SLC41A1: variants seen among roughly 807,000 people sequenced by gnomAD.
SLC41A1 encodes solute carrier family 41 (magnesium transporter), member 1.
SLC41A1 carries 20 observed loss-of-function variants against 47.3 expected under a neutral mutation model. The observed-to-expected ratio is 0.42, with a 90% CI of 0.30 to 0.61. The LOEUF (loss-of-function observed/expected upper bound fraction) is 0.61. Among genes scored for constraint, SLC41A1 ranks in the 20% least tolerant of loss-of-function variants. The probability of loss-of-function intolerance (pLI) is 0.17; values close to 1 mark genes in which losing one functional copy is unlikely to be tolerated. For missense variants in SLC41A1, 504 were observed against 674.1 expected, an observed-to-expected ratio of 0.75 and a Z score of 2.79; for synonymous variants, 282 against 272.7, an observed-to-expected ratio of 1.03 and a Z score of -0.34.
At position 205,797,909 on chromosome 1, in the gene SLC41A1, G is replaced by C; in HGVS notation, c.987C>G (p.Ile329Met). 2 of 1,614,140 alleles carry C rather than the reference G, an allele frequency of 1.2e-6. No homozygotes were observed. Among genetic ancestry groups the C allele is most frequent in the Non-Finnish European group, 1.7e-6 (2 of 1,180,036 alleles). The change falls in exon 7 of 11, where the codon ATC (isoleucine) becomes ATG (methionine). Residue 329 changes from isoleucine to methionine, a missense_variant. Transcript: ENST00000367137. ...TACTCAGGGCCCCAGCCTACCTGCT[G>C]ATGGCCATGGCAATGATAACAGGCT... ...GWEPVIIAMA[I>M]SSVGGLILDK...
intron 2 of SLC41A1, among the ~76,000 whole-genome samples, chr1:205,806,896 C>T (rs955444491): frequency 1.3e-5 from 2 of 151,736 alleles, no homozygotes; most frequent in Admixed American, 6.6e-5. Flanking sequence ...TTTTGCATCT[C>T]GTTGGTGAAA....
intron 10 of SLC41A1, among the ~76,000 whole-genome samples, chr1:205,792,807 A>G (rs1261687628): frequency 6.6e-6 from 1 of 152,166 alleles, no homozygotes; most frequent in Non-Finnish European, 1.5e-5. Flanking sequence ...CCTTGACTAT[A>G]CTTTGTAAAT....
At chr1:205,797,362 C>A (rs1165739333) in intron 7 of SLC41A1, among the ~76,000 whole-genome samples, 1 of 152,220 alleles carries the variant, frequency 6.6e-6, no homozygotes, top group African/African-American at 2.4e-5. Context: ...CTGGGCTCCT[C>A]CACAGGGAAC....
rs576280132 is a variant in SLC41A1, at chr1:205,790,212, C to T, written c.*1321G>A. ...TTGAAGTAGATGCAAATACTTACAA[C>T]GAGGAAACTTTCTCTGCCAGATTCA... On this transcript the variant is annotated 3_prime_UTR_variant, in exon 11 of 11. Transcript: ENST00000367137. 3.3e-5 allele frequency: 5 copies of T among 152,306 alleles called. No homozygotes were observed. Among genetic ancestry groups the T allele is most frequent in the African/African-American group, 1.2e-4 (5 of 41,542 alleles). The allele number at this position is 152,306 out of a possible 1,614,324, so 9.4% of individuals were successfully genotyped here. A position where few individuals can be genotyped will look rare whatever the true frequency, so the allele number is the denominator to read the frequency against.
chr1:205,791,915 A>T lies in SLC41A1; in HGVS notation c.1357-197T>A, dbSNP rs1375021215. On this transcript the variant is annotated intron_variant, in intron 10 of 10. Coordinates refer to ENST00000367137, the MANE Select transcript of SLC41A1 (RefSeq NM_173854.6). The surrounding 1 kb of genome is among the most constrained non-coding windows in gnomAD (Gnocchi z 4.0). Reference sequence around the variant, plus strand: ...TTACCACTTTGAGCAGACAACAGGCACAATAAGAGCTCTTTAGAAAGGAAG... The same window carrying T: ...TTACCACTTTGAGCAGACAACAGGCTCAATAAGAGCTCTTTAGAAAGGAAG... Among the ~76,000 whole-genome samples the T allele has an allele frequency of 6.6e-6, 1 of 152,232 alleles. No homozygotes were observed. Among genetic ancestry groups the T allele is most frequent in the Non-Finnish European group, 1.5e-5 (1 of 68,036 alleles).
In SLC41A1 at chr1:205,813,117, C is replaced by T. The variant is rs1165814404; in HGVS notation, c.-956G>A. 1 of 985,512 alleles carries T rather than the reference C, an allele frequency of 1.0e-6. No homozygotes were observed. The highest frequency in any genetic ancestry group is 4.7e-5 in the South Asian group (1 of 21,284). 61.0% of individuals were successfully genotyped at this position (985,512 alleles called of 1,614,324 possible). A position where few individuals can be genotyped will look rare whatever the true frequency, so the allele number is the denominator to read the frequency against. On this transcript the variant is annotated 5_prime_UTR_variant, in exon 1 of 11. Coordinates refer to ENST00000367137, the MANE Select transcript of SLC41A1 (RefSeq NM_173854.6). ...GGACGGGGGACCGGGGAGCCGAGCT[C>T]ACGCGCCCCCAATCGCTTCTTGCCC...
intron 1 of SLC41A1, 163 bp downstream of exon 1, chr1:205,812,645 G>A (rs1656184803): frequency 4.7e-6 from 3 of 643,004 alleles, no homozygotes; most frequent in Admixed American, 6.3e-5. Flanking sequence ...CCCAGGCGGG[G>A]ACAAAAAAGA....
At position 205,798,657 on chromosome 1, in the gene SLC41A1, T is replaced by C; in HGVS notation, c.844+12A>G. On this transcript the variant is annotated intron_variant, in intron 6 of 10. Coordinates refer to ENST00000367137, the MANE Select transcript of SLC41A1 (RefSeq NM_173854.6). ...CCCAGGACTCCAAGAAGCCACACTC[T>C]TGGTGGCTCACTCAGTTCCAGGTAG... 1 of 1,614,202 alleles carries C rather than the reference T, an allele frequency of 6.2e-7. No individual in the cohort carries two copies. The highest frequency in any genetic ancestry group is 1.3e-5 in the African/African-American group (1 of 75,044).
chr1:205,811,128 C>T (rs1656144257), intron 1 of SLC41A1, 41 bp from the exon 2 acceptor site: 1 of 153,912 alleles, frequency 6.5e-6, no homozygotes, highest in South Asian at 2.0e-4. Flanking sequence ...GAACATTACA[C>T]TATAGCAAAG....
At chr1:205,808,749 T>C (rs1656074136) in intron 2 of SLC41A1, among the ~76,000 whole-genome samples, 1 of 152,316 alleles carries the variant, frequency 6.6e-6, no homozygotes, top group South Asian at 2.1e-4. Flanking sequence ...ATAACAGTTT[T>C]GGGGAAAGGG....
chr1:205,794,851 T>C lies in SLC41A1; in HGVS notation c.1356+19A>G. 6.2e-7 allele frequency: 1 copy of C among 1,613,462 alleles called. No individual in the cohort carries two copies. The highest frequency in any genetic ancestry group is 8.5e-7 in the Non-Finnish European group (1 of 1,179,902). Reference sequence around the variant, plus strand: ...GCATCCTGGCTCCTTCCCATGCCCCTGCTCCTGCCACTTTGTACCTGGAGC... The same window carrying C: ...GCATCCTGGCTCCTTCCCATGCCCCCGCTCCTGCCACTTTGTACCTGGAGC... On this transcript the variant is annotated intron_variant, in intron 10 of 10. Transcript: ENST00000367137.
In SLC41A1 at chr1:205,795,393, C is replaced by A. The variant is rs1296916118; in HGVS notation, c.1158G>T (p.Glu386Asp). 6.2e-7 allele frequency: 1 copy of A among 1,614,098 alleles called. No individual in the cohort carries two copies. The highest frequency in any genetic ancestry group is 1.3e-5 in the African/African-American group (1 of 74,922). The stretch of plus-strand genomic sequence containing the variant: ...GACTGGGACAGCGGCGAGGAGCTTG[C>A]TCAGAGTTCTCTCCGGGCATTCCAT... ...HMNGMPGENS[E>D]QAPRRCPSPC... The change falls in exon 9 of 11, where the codon GAG (glutamate) becomes GAT (aspartate). Residue 386 changes from glutamate to aspartate, a missense_variant. Coordinates refer to ENST00000367137, the MANE Select transcript of SLC41A1 (RefSeq NM_173854.6).
At position 205,795,563 on chromosome 1, in the gene SLC41A1, T is replaced by A. The variant is rs1284170423; in HGVS notation, c.1073-85A>T. The A allele has an allele frequency of 5.0e-5, 77 of 1,525,984 alleles. No homozygotes were observed. In the East Asian group the frequency reaches 1.8e-3, roughly 36 times the overall value. 94.5% of individuals were successfully genotyped at this position (1,525,984 alleles called of 1,614,324 possible). On this transcript the variant is annotated intron_variant, in intron 8 of 10. Transcript: ENST00000367137. ...AATGATCTTCTCACTCTTTGTCTTC[T>A]ATCTATAGAGGCACTGTCCTCTGTC...
At position 205,790,649 on chromosome 1, in the gene SLC41A1, A is replaced by C. The variant is rs1221115975; in HGVS notation, c.*884T>G. On this transcript the variant is annotated 3_prime_UTR_variant, in exon 11 of 11. Transcript: ENST00000367137. ...CCCATGACCTGACCCTAATCTCAAA[A>C]CCCAACCTGGCAAGCTCTGGGGAAG... 6.6e-6 allele frequency: 1 copy of C among 152,138 alleles called. No individual in the cohort carries two copies. Among genetic ancestry groups the C allele is most frequent in the Non-Finnish European group, 1.5e-5 (1 of 68,042 alleles). 9.4% of individuals were successfully genotyped at this position (152,138 alleles called of 1,614,324 possible).
In SLC41A1 at chr1:205,798,711, C is replaced by T. The variant is rs749723115; in HGVS notation, c.802G>A (p.Ala268Thr). 2 of 1,614,048 alleles carry T rather than the reference C, an allele frequency of 1.2e-6. No individual in the cohort carries two copies. The highest frequency in any genetic ancestry group is 2.7e-5 in the African/African-American group (2 of 74,920). Residue 268 changes from alanine (A) to threonine (T), a missense_variant, in exon 6 of 11, where the codon GCG becomes ACG. Physicochemically the swap from Ala to Thr is moderately conservative, Grantham distance 58 (BLOSUM62 0). Coordinates refer to ENST00000367137, the MANE Select transcript of SLC41A1 (RefSeq NM_173854.6). ...AASLGDLITL[A>T]LLSGISWGLY... is the part of the protein sequence containing the mutation. ...CCCCAGCTGATGCCTGAGAGCAGCG[C>T]CAAGGTGATGAGGTCGCCCAGGCTG... is the stretch of plus-strand genomic sequence containing the variant.
chr1:205,791,391 C>A lies in SLC41A1; in HGVS notation c.*142G>T. On this transcript the variant is annotated 3_prime_UTR_variant, in exon 11 of 11. Coordinates refer to ENST00000367137, the MANE Select transcript of SLC41A1 (RefSeq NM_173854.6). This position sits in a 1 kb window ranked among gnomAD's most constrained non-coding sequence, Gnocchi z 4.0. The stretch of plus-strand genomic sequence containing the variant: ...AAACTTGGCTCAATGTATAAAAATT[C>A]CCATTGAAAATAATGAGAATTTGGT... The A allele has an allele frequency of 9.3e-7, 1 of 1,073,624 alleles. No homozygotes were observed. Among genetic ancestry groups the A allele is most frequent in the Non-Finnish European group, 1.4e-6 (1 of 718,532 alleles). The allele number at this position is 1,073,624 out of a possible 1,614,324, so 66.5% of individuals were successfully genotyped here. A position where few individuals can be genotyped will look rare whatever the true frequency, so the allele number is the denominator to read the frequency against.
intron 2 of SLC41A1, among the ~76,000 whole-genome samples, chr1:205,804,975 G>A (rs1044520943): frequency 1.3e-5 from 2 of 152,142 alleles, no homozygotes; most frequent in African/African-American, 4.8e-5. Flanking sequence ...GCTCAGCTAA[G>A]TTCCTCTGGT....
intron 2 of SLC41A1, among the ~76,000 whole-genome samples, chr1:205,809,849 A>G (rs1223227356): frequency 6.6e-6 from 1 of 152,074 alleles, no homozygotes; most frequent in Non-Finnish European, 1.5e-5. Context: ...TCTATTTAGC[A>G]ATACTGCCCT....
intron 2 of SLC41A1, among the ~76,000 whole-genome samples, chr1:205,806,720 T>C (rs544311534): frequency 3.3e-5 from 5 of 152,152 alleles, no homozygotes; most frequent in Admixed American, 1.3e-4. Flanking sequence ...CCATTTATCC[T>C]TTTCCTACTT....
Sources: allele counts gnomAD v4.1 joint callset (sites outside exome capture counted in the v4.1 genomes callset), GRCh38; gene constraint gnomAD v4.1.1; non-coding constraint Gnocchi (gnomAD v3.1); transcripts MANE v1.5; gene names NCBI Gene and HGNC (gene_info 2026-07-23, HGNC 2026-07-21).